WDR47: variants seen among roughly 807,000 people sequenced by gnomAD.
WDR47 encodes the protein WD repeat-containing protein 47.
Under a neutral mutation model 97.2 loss-of-function variants are expected in WDR47, and 32 were observed. The observed-to-expected ratio is 0.33, with a 90% confidence interval of 0.25 to 0.44. The LOEUF is 0.44. Among genes scored for constraint, WDR47 ranks in the 20% least tolerant of loss-of-function variants. WDR47 has a pLI of 1.00. For missense variants in WDR47, 782 were observed against 1,102.3 expected (o/e 0.71, Z 4.11); for synonymous variants, 375 against 373.5 (o/e 1.00, Z -0.05).
At chr1:109,005,222 T>C (rs2590998) in intron 5 of WDR47, among the ~76,000 whole-genome samples, 149,835 of 152,228 alleles carry the variant, frequency 0.98, 73,793 homozygotes, top group Middle Eastern at 1. Context: ...GGTAACATGG[T>C]GAAGCCTAGT....
intron 1 of WDR47, among the ~76,000 whole-genome samples, chr1:109,027,199 C>T (rs952174141): frequency 3.6e-4 from 54 of 151,868 alleles, no homozygotes; most frequent in African/African-American, 1.2e-3. Flanking sequence ...GGATTACAGG[C>T]GTGCACTTAC....
intron 5 of WDR47, among the ~76,000 whole-genome samples, chr1:109,007,300 C>T (rs1660697704): frequency 1.3e-5 from 2 of 150,098 alleles, no homozygotes; most frequent in Admixed American, 1.3e-4. Flanking sequence ...CATACTTGGT[C>T]TAGTTGAGCT....
intron 1 of WDR47, among the ~76,000 whole-genome samples, chr1:109,029,540 G>A (rs1662465450): frequency 6.6e-6 from 1 of 151,090 alleles, no homozygotes; most frequent in South Asian, 2.1e-4. Flanking sequence ...CATGCCTGTG[G>A]TCCCAGCTAC....
chr1:109,026,685 G>T (rs1381467708), intron 1 of WDR47, among the ~76,000 whole-genome samples: 2 of 152,018 alleles, frequency 1.3e-5, no homozygotes, highest in African/African-American at 4.8e-5. Flanking sequence ...ATGCACAATT[G>T]GGACTATAAT....
chr1:108,982,865 T>C, intron 11 of WDR47, 86 bp from the exon 12 acceptor site: 1 of 1,377,212 alleles, frequency 7.3e-7, no homozygotes, highest in Non-Finnish European at 9.8e-7. Context: ...TCAAAACTGG[T>C]CAAGAATAAT....
intron 3 of WDR47, among the ~76,000 whole-genome samples, chr1:109,014,362 G>A (rs1008527648): frequency 6.6e-6 from 1 of 151,844 alleles, no homozygotes; most frequent in African/African-American, 2.4e-5. Flanking sequence ...AAAAAATGGG[G>A]CTGAAAGGGT....
intron 7 of WDR47, among the ~76,000 whole-genome samples, chr1:108,999,678 T>TAA (rs879553648): frequency 2.2e-5 from 3 of 135,014 alleles, no homozygotes; most frequent in Non-Finnish European, 3.2e-5. Flanking sequence ...TGTCTCAAAT[T>TAA]AAAAAAAAAA....
intron 7 of WDR47, among the ~76,000 whole-genome samples, chr1:108,998,969 T>C (rs191819507): frequency 6.6e-6 from 1 of 152,284 alleles, no homozygotes; most frequent in African/African-American, 2.4e-5. Context: ...CATGAGCCTG[T>C]AATCCCAGCA....
chr1:108,998,068 T>C (rs1659897649), intron 7 of WDR47, among the ~76,000 whole-genome samples: 1 of 152,232 alleles, frequency 6.6e-6, no homozygotes, highest in Admixed American at 6.5e-5. Context: ...TTAAAAATTA[T>C]AATTAAGTAG....
intron 3 of WDR47, 111 bp downstream of exon 3, chr1:109,017,407 T>C (rs1661496700): frequency 1.2e-6 from 1 of 854,642 alleles, no homozygotes; most frequent in South Asian, 1.5e-5. Context: ...ATTTGTTTAC[T>C]CTCTGTTCAA....
At chr1:109,014,788 G>A (rs907728010) in intron 3 of WDR47, among the ~76,000 whole-genome samples, 1 of 152,084 alleles carries the variant, frequency 6.6e-6, no homozygotes, top group African/African-American at 2.4e-5. Flanking sequence ...ATAGCAAAGA[G>A]TCTACCTAAC....
intron 5 of WDR47, among the ~76,000 whole-genome samples, chr1:109,005,605 T>C (rs1294911784): frequency 1.3e-5 from 2 of 152,166 alleles, no homozygotes; most frequent in Admixed American, 1.3e-4. Flanking sequence ...CCGGGCACAG[T>C]GGCTTACGCC....
intron 10 of WDR47, among the ~76,000 whole-genome samples, chr1:108,984,976 C>A (rs1658663228): frequency 6.6e-6 from 1 of 152,140 alleles, no homozygotes; most frequent in African/African-American, 2.4e-5. Flanking sequence ...CAAGTCCCAC[C>A]GATTCCTTCC....
chr1:108,982,471 G>T lies in WDR47; in HGVS notation c.2266+138C>A, dbSNP rs965064185. On this transcript the variant is annotated intron_variant, in intron 12 of 14. Coordinates refer to ENST00000369962, the MANE Select transcript of WDR47 (RefSeq NM_001142551.2). ...CACTTGACCTCAGGAGGTTGAGGCCGCAGTGAGCTGTGATTGTGCCACTGC... is the reference window on the plus strand; with the variant it reads ...CACTTGACCTCAGGAGGTTGAGGCCTCAGTGAGCTGTGATTGTGCCACTGC... 16 of 998,680 alleles carry T rather than the reference G, an allele frequency of 1.6e-5. No homozygotes were observed. The African/African-American group carries it at 2.1e-4, about 13-fold the overall frequency. 61.9% of individuals were successfully genotyped at this position (998,680 alleles called of 1,614,324 possible). A position where few individuals can be genotyped will look rare whatever the true frequency, so the allele number is the denominator to read the frequency against.
Position 109,031,927 on chromosome 1 carries a change from G to C in WDR47, c.-9-8406C>G, listed in dbSNP as rs752548796. On this transcript the variant is annotated intron_variant, in intron 1 of 14. Transcript: ENST00000369962. ...AGATCCTCCCGCCTCAGCCTTCCCAGTAATTGGGACTACAGGCATGCACCA... is the reference window on the plus strand; with the variant it reads ...AGATCCTCCCGCCTCAGCCTTCCCACTAATTGGGACTACAGGCATGCACCA... 2.2e-5 allele frequency among the ~76,000 whole-genome samples: 3 copies of C among 134,556 alleles called. 1 individual carries two copies. Among genetic ancestry groups the C allele is most frequent in the Non-Finnish European group, 4.9e-5 (3 of 61,358 alleles). 88.3% of individuals were successfully genotyped at this position (134,556 alleles called of 152,430 possible).
At chr1:108,973,184 A>T (rs1195682664) in intron 14 of WDR47, among the ~76,000 whole-genome samples, 1 of 149,706 alleles carries the variant, frequency 6.7e-6, no homozygotes, top group Admixed American at 6.7e-5. Flanking sequence ...GGAGAGACCT[A>T]CTCCAATTAT....
chr1:109,033,715 T>C (rs532362308), intron 1 of WDR47, among the ~76,000 whole-genome samples: 136 of 152,244 alleles, frequency 8.9e-4, no homozygotes, highest in African/African-American at 3.2e-3. Flanking sequence ...GGTCAGGAGA[T>C]GGAGACCATT....
intron 5 of WDR47, among the ~76,000 whole-genome samples, chr1:109,007,480 T>C (rs1660712877): frequency 6.6e-6 from 1 of 152,136 alleles, no homozygotes; most frequent in African/African-American, 2.4e-5. Flanking sequence ...TAAAATTACA[T>C]CTAAAATATA....
intron 3 of WDR47, among the ~76,000 whole-genome samples, chr1:109,017,208 G>C (rs1661481843): frequency 6.6e-6 from 1 of 152,152 alleles, no homozygotes; most frequent in South Asian, 2.1e-4. Context: ...CACAAGGGAA[G>C]CCTGGGCAAC....
Sources: gnomAD v4.1 joint callset for allele counts (sites outside exome capture counted in the v4.1 genomes callset) on GRCh38, gnomAD v4.1.1 for gene constraint, MANE v1.5 for transcripts, NCBI Gene and HGNC (gene_info 2026-07-23, HGNC 2026-07-21) for gene names.